The following B3GALT1 variants were observed in gnomAD, a reference collection of about 807,000 sequenced individuals.
The protein encoded by B3GALT1 is UDP-Gal:betaGlcNAc beta 1,3-galactosyltransferase, polypeptide 1.
Under a neutral mutation model 23.2 loss-of-function variants are expected in B3GALT1, and 10 were observed. The ratio of observed to expected loss-of-function variants is 0.43; its 90% CI spans 0.27 to 0.73. B3GALT1 has a LOEUF of 0.73. Among genes scored for constraint, B3GALT1 ranks in the 30% least tolerant of loss-of-function variants. The pLI is 0.21. For synonymous variants in B3GALT1, 156 were observed against 141.5 expected (o/e 1.10, Z -0.73); for missense variants, 299 against 405.4 (o/e 0.74, Z 2.25).
intron 2 of B3GALT1, among the ~76,000 whole-genome samples, chr2:167,501,529 C>T (rs528680002): frequency 1.3e-5 from 2 of 151,428 alleles, no homozygotes; most frequent in South Asian, 4.2e-4. Flanking sequence ...AAGACAGCAA[C>T]AAAACCAAGA....
At chr2:167,713,823 CA>C in intron 3 of B3GALT1, 1 of 1,592,530 alleles carries the variant, frequency 6.3e-7, no homozygotes, top group Non-Finnish European at 8.6e-7. Context: ...TTTCTCATTG[CA>C]AATGGAGCAT....
At chr2:167,741,721 T>C (rs1574239851) in intron 3 of B3GALT1, among the ~76,000 whole-genome samples, 2 of 152,118 alleles carry the variant, frequency 1.3e-5, no homozygotes, top group African/African-American at 4.8e-5. Context: ...ATCTTTGACC[T>C]TGAAGTTCAC....
At chr2:167,720,638 A>C (rs1303627812) in intron 3 of B3GALT1, among the ~76,000 whole-genome samples, 3 of 152,218 alleles carry the variant, frequency 2.0e-5, no homozygotes, top group African/African-American at 7.2e-5. Context: ...TCATTCGTTC[A>C]TCTACTCAGT....
intron 1 of B3GALT1, among the ~76,000 whole-genome samples, chr2:167,435,471 A>G (rs1354484534): frequency 6.8e-6 from 1 of 147,692 alleles, no homozygotes; most frequent in Non-Finnish European, 1.5e-5. Flanking sequence ...AAGCAGAGAA[A>G]TATATGCTTT....
At chr2:167,816,851 AG>A (rs906304902) in intron 3 of B3GALT1, among the ~76,000 whole-genome samples, 2 of 152,220 alleles carry the variant, frequency 1.3e-5, no homozygotes, top group African/African-American at 4.8e-5. Flanking sequence ...GAGCAGAATG[AG>A]GGTTCATGCA....
At chr2:167,401,815 G>C (rs1698196347) in intron 1 of B3GALT1, among the ~76,000 whole-genome samples, 1 of 152,168 alleles carries the variant, frequency 6.6e-6, no homozygotes, top group Non-Finnish European at 1.5e-5. Context: ...TTAACAGCCT[G>C]TTATGTACAG....
Position 167,300,843 on chromosome 2 carries a change from G to T in B3GALT1, c.-511+7509G>T, listed in dbSNP as rs186727575. Among the ~76,000 whole-genome samples, 13 of 152,214 alleles carry T rather than the reference G, an allele frequency of 8.5e-5. No individual in the cohort carries two copies. In the East Asian group the frequency reaches 2.1e-3, roughly 25 times the overall value. The stretch of plus-strand genomic sequence containing the variant: ...ATAAACAGAAACATAATGGGGAAAA[G>T]ATTTTACCTTATAAAAGTTAACAAC... On this transcript the variant is annotated intron_variant, in intron 1 of 4. Transcript: ENST00000392690.
At position 167,454,143 on chromosome 2, in the gene B3GALT1, T is replaced by A. The variant is rs1243237568; in HGVS notation, c.-510-36034T>A. Reference sequence around the variant, plus strand: ...TTTGTATATTTGAATATTTGTATATTCTCTATACAAAAGTGCAGATGAACC... The same window carrying A: ...TTTGTATATTTGAATATTTGTATATACTCTATACAAAAGTGCAGATGAACC... On this transcript the variant is annotated intron_variant, in intron 1 of 4. Coordinates refer to ENST00000392690, the MANE Select transcript of B3GALT1 (RefSeq NM_020981.4). Among the ~76,000 whole-genome samples the A allele has an allele frequency of 2.6e-5, 4 of 152,238 alleles. No individual in the cohort carries two copies. The East Asian group carries it at 5.8e-4, about 22-fold the overall frequency.
chr2:167,545,325 G>A (rs1558899672), intron 2 of B3GALT1, among the ~76,000 whole-genome samples: 1 of 151,158 alleles, frequency 6.6e-6, no homozygotes, highest in African/African-American at 2.4e-5. Flanking sequence ...GTGAGCCACC[G>A]GCCCGGTGTG....
intron 2 of B3GALT1, among the ~76,000 whole-genome samples, chr2:167,597,117 G>GTTTTTT (rs1309406987): frequency 8.4e-5 from 11 of 131,424 alleles, no homozygotes; most frequent in East Asian, 2.2e-4. Context: ...TTTTGTTTTT[G>GTTTTTT]TTTTTTTTTT....
intron 1 of B3GALT1, among the ~76,000 whole-genome samples, chr2:167,336,974 A>C (rs952597110): frequency 2.0e-5 from 3 of 152,044 alleles, no homozygotes; most frequent in African/African-American, 7.2e-5. Context: ...AAACAACAGA[A>C]CTTCTGCAGT....
At chr2:167,363,956 CA>C (rs1458769195) in intron 1 of B3GALT1, among the ~76,000 whole-genome samples, 1 of 151,890 alleles carries the variant, frequency 6.6e-6, no homozygotes, top group Non-Finnish European at 1.5e-5. Flanking sequence ...GTCAGGAGTT[CA>C]AGACCAGCCT....
chr2:167,759,945 C>G (rs1424620267), intron 3 of B3GALT1, among the ~76,000 whole-genome samples: 1 of 152,110 alleles, frequency 6.6e-6, no homozygotes, highest in African/African-American at 2.4e-5. Flanking sequence ...GGTTTGTTTA[C>G]TTAAGTTTAA....
intron 1 of B3GALT1, among the ~76,000 whole-genome samples, chr2:167,336,937 C>T (rs1442593826): frequency 6.6e-6 from 1 of 152,138 alleles, no homozygotes; most frequent in East Asian, 1.9e-4. Context: ...CTGGAAATCT[C>T]TACCTCAAAC....
intron 3 of B3GALT1, among the ~76,000 whole-genome samples, chr2:167,776,305 A>G (rs565354341): frequency 4.8e-4 from 73 of 152,304 alleles, no homozygotes; most frequent in African/African-American, 1.7e-3. Context: ...TTCCTCAACT[A>G]TGCTCCGACA....
intron 3 of B3GALT1, among the ~76,000 whole-genome samples, chr2:167,792,182 AC>A (rs1688450226): frequency 6.6e-6 from 1 of 152,226 alleles, no homozygotes; most frequent in Non-Finnish European, 1.5e-5. Flanking sequence ...AAGCAGAGAT[AC>A]TATATACATT....
At chr2:167,544,893 G>A (rs759474391) in intron 2 of B3GALT1, among the ~76,000 whole-genome samples, 1 of 152,064 alleles carries the variant, frequency 6.6e-6, no homozygotes, top group Non-Finnish European at 1.5e-5. Flanking sequence ...GTTACAGCTC[G>A]ATTAGAGAAA....
At chr2:167,353,838 TG>T (rs1258332992) in intron 1 of B3GALT1, among the ~76,000 whole-genome samples, 1 of 152,186 alleles carries the variant, frequency 6.6e-6, no homozygotes, top group Non-Finnish European at 1.5e-5. Flanking sequence ...CCTAGAGTTT[TG>T]GGAAAGGAAT....
chr2:167,573,855 C>G lies in B3GALT1; in HGVS notation c.-409-73054C>G, dbSNP rs117689707. 6.9e-3 allele frequency among the ~76,000 whole-genome samples: 1,045 copies of G among 151,658 alleles called. 28 individuals are homozygous for G. The East Asian group carries it at 0.083, about 12-fold the overall frequency. On this transcript the variant is annotated intron_variant, in intron 2 of 4. Transcript: ENST00000392690. ...AAAGAATAAATAATCTGACAAGGTG[C>G]AATTCAAGAGATGAAGCTCATGTGT...
Sources: gnomAD v4.1 joint callset for allele counts (sites outside exome capture counted in the v4.1 genomes callset) on GRCh38, gnomAD v4.1.1 for gene constraint, MANE v1.5 for transcripts, NCBI Gene and HGNC (gene_info 2026-07-23, HGNC 2026-07-21) for gene names.